Variants in MBD5 observed in about 807,000 individuals in gnomAD.
MBD5 encodes the protein methyl-CpG binding domain protein 5, also known as methyl-CpG-binding domain protein 5.
A neutral mutation model predicts 117.3 loss-of-function variants in MBD5; 13 were observed. The observed-to-expected ratio is 0.11, with a 90% confidence interval of 0.07 to 0.18. The LOEUF is 0.18. MBD5 is among the 10% of genes least tolerant of loss of function. MBD5 has a pLI of 1.00. For synonymous variants in MBD5, 727 were observed against 766.4 expected (o/e 0.95, Z 0.85); for missense variants, 1,879 against 2,093.8 (o/e 0.90, Z 2.00).
intron 4 of MBD5, among the ~76,000 whole-genome samples, chr2:148,445,981 G>GT (rs896868180): frequency 9.4e-5 from 14 of 149,650 alleles, no homozygotes; most frequent in East Asian, 2.0e-4. Context: ...GGGGTTGTTT[G>GT]TTTTTTTTTC....
intron 4 of MBD5, among the ~76,000 whole-genome samples, chr2:148,448,925 GT>G (rs200338307): frequency 9.9e-5 from 15 of 151,940 alleles, no homozygotes; most frequent in African/African-American, 3.1e-4. Context: ...ATGCAGCCAA[GT>G]TTTTTTTAAT....
chr2:148,085,879 A>C (rs1695769079), intron 1 of MBD5, among the ~76,000 whole-genome samples: 1 of 152,176 alleles, frequency 6.6e-6, no homozygotes. Context: ...AAAGATCTGG[A>C]GGGGAAAATC....
chr2:148,235,381 G>C (rs1209076557), intron 3 of MBD5, among the ~76,000 whole-genome samples: 3 of 152,076 alleles, frequency 2.0e-5, no homozygotes, highest in African/African-American at 2.4e-5. Flanking sequence ...CCATCAGACT[G>C]TATCAATGGT....
intron 2 of MBD5, among the ~76,000 whole-genome samples, chr2:148,226,407 C>A (rs940238534): frequency 3.9e-5 from 6 of 152,098 alleles, no homozygotes; most frequent in African/African-American, 1.4e-4. Context: ...ATGATGGTTT[C>A]CAGCTTCATC....
At chr2:148,157,105 C>T (rs1697894493) in intron 1 of MBD5, among the ~76,000 whole-genome samples, 1 of 152,048 alleles carries the variant, frequency 6.6e-6, no homozygotes, top group African/African-American at 2.4e-5. Flanking sequence ...TGAATCAAAA[C>T]ATCTGTTCAT....
chr2:148,046,709 G>GAGAATGGT (rs1450132379), intron 1 of MBD5, among the ~76,000 whole-genome samples: 1 of 152,072 alleles, frequency 6.6e-6, no homozygotes, highest in Non-Finnish European at 1.5e-5. Context: ...TCCTTGACTA[G>GAGAATGGT]AGAATGGTAG....
In MBD5 at chr2:148,058,401, T is replaced by C. The variant is rs370867471; in HGVS notation, c.-925+36717T>C. Among the ~76,000 whole-genome samples, 31 of 152,190 alleles carry C rather than the reference T, an allele frequency of 2.0e-4. No homozygotes were observed. The East Asian group carries it at 4.2e-3, about 21-fold the overall frequency. ...ATCTCATCGCTTTATACTTAAATTT[T>C]TTTTCTATCGGTCTTTTTTCAGTAT... On this transcript the variant is annotated intron_variant, in intron 1 of 13. Transcript: ENST00000642680.
At chr2:148,407,560 T>TTAG (rs1307578188) in intron 4 of MBD5, among the ~76,000 whole-genome samples, 60 of 152,208 alleles carry the variant, frequency 3.9e-4, no homozygotes, top group African/African-American at 1.4e-3. Context: ...CATCAGTCAC[T>TTAG]TAGTACTCTT....
At chr2:148,209,501 G>T (rs1699368982) in intron 2 of MBD5, among the ~76,000 whole-genome samples, 1 of 151,412 alleles carries the variant, frequency 6.6e-6, no homozygotes. Flanking sequence ...AGAACTGTGA[G>T]CAATAAACTT....
chr2:148,119,940 G>A (rs368247557), intron 1 of MBD5, among the ~76,000 whole-genome samples: 121 of 147,776 alleles, frequency 8.2e-4, no homozygotes, highest in African/African-American at 3.0e-3. Flanking sequence ...GTCTCACTTT[G>A]TCACGCATGC....
At chr2:148,375,837 C>G (rs1703971926) in intron 4 of MBD5, among the ~76,000 whole-genome samples, 1 of 151,776 alleles carries the variant, frequency 6.6e-6, no homozygotes, top group Non-Finnish European at 1.5e-5. Context: ...AGTAATCATC[C>G]AAATTATTTT....
At chr2:148,230,114 G>T (rs1016615552) in intron 2 of MBD5, among the ~76,000 whole-genome samples, 3 of 152,196 alleles carry the variant, frequency 2.0e-5, no homozygotes, top group African/African-American at 7.2e-5. Flanking sequence ...AAGCCAGCCA[G>T]GCCTGTATCC....
intron 1 of MBD5, among the ~76,000 whole-genome samples, chr2:148,138,633 A>G (rs565655454): frequency 6.6e-6 from 1 of 152,336 alleles, no homozygotes; most frequent in South Asian, 2.1e-4. Flanking sequence ...AACCTAAGCA[A>G]GAGATAGTGT....
At chr2:148,391,306 GT>G (rs1704564096) in intron 4 of MBD5, among the ~76,000 whole-genome samples, 1 of 152,070 alleles carries the variant, frequency 6.6e-6, no homozygotes, top group Non-Finnish European at 1.5e-5. Flanking sequence ...GCTAAATATA[GT>G]TTTATCATAT....
chr2:148,370,370 A>T (rs1483554237), intron 4 of MBD5, among the ~76,000 whole-genome samples: 3 of 152,188 alleles, frequency 2.0e-5, no homozygotes, highest in Non-Finnish European at 4.4e-5. Context: ...GAAATGTAGT[A>T]TTACACCTTT....
At chr2:148,494,668 A>C (rs1681640110) in intron 11 of MBD5, among the ~76,000 whole-genome samples, 1 of 152,188 alleles carries the variant, frequency 6.6e-6, no homozygotes, top group Admixed American at 6.5e-5. Context: ...ATTTGTAATA[A>C]AGTACATTCT....
chr2:148,357,387 T>G (rs1703408991), intron 4 of MBD5, among the ~76,000 whole-genome samples: 2 of 152,160 alleles, frequency 1.3e-5, no homozygotes, highest in Admixed American at 1.3e-4. Context: ...AAGGTGATGC[T>G]CCACTCTCTT....
At chr2:148,040,902 A>G (rs1328421919) in intron 1 of MBD5, among the ~76,000 whole-genome samples, 1 of 152,102 alleles carries the variant, frequency 6.6e-6, no homozygotes, top group Non-Finnish European at 1.5e-5. Flanking sequence ...TGGCTTTACA[A>G]AATAAGCCAC....
Position 148,304,089 on chromosome 2 carries a change from C to T in MBD5, c.-679-38125C>T, listed in dbSNP as rs529959973. 5.9e-5 allele frequency among the ~76,000 whole-genome samples: 9 copies of T among 152,174 alleles called. No homozygotes were observed. The South Asian group carries it at 1.3e-3, about 21-fold the overall frequency. On this transcript the variant is annotated intron_variant, in intron 3 of 13. Transcript: ENST00000642680. ...CATATATCCACACTGCAGATCTCCC[C>T]GATTCCTAGGAGTCTGAAATCTCAG...
Sources: gnomAD v4.1 joint callset for allele counts (sites outside exome capture counted in the v4.1 genomes callset) on GRCh38, gnomAD v4.1.1 for gene constraint, MANE v1.5 for transcripts, NCBI Gene and HGNC (gene_info 2026-07-23, HGNC 2026-07-21) for gene names.